The following CYP4Z1 variants were observed in gnomAD, a reference collection of about 807,000 sequenced individuals.
CYP4Z1 encodes the protein cytochrome P450 family 4 subfamily Z member 1.
A neutral mutation model predicts 54.2 loss-of-function variants in CYP4Z1; 41 were observed. That is an observed-to-expected ratio of 0.76 (90% confidence interval 0.59 to 0.98). The LOEUF (loss-of-function observed/expected upper bound fraction) is 0.98, where lower values mean the gene tolerates loss of function less well. Among genes scored for constraint, CYP4Z1 ranks in the 50% least tolerant of loss-of-function variants. The pLI is 0.00. For synonymous variants in CYP4Z1, 163 were observed against 206.2 expected (o/e 0.79, Z 1.79); for missense variants, 513 against 599.0 (o/e 0.86, Z 1.50).
intron 2 of CYP4Z1, among the ~76,000 whole-genome samples, chr1:47,074,207 C>A (rs1383996704): frequency 6.6e-6 from 1 of 151,154 alleles, no homozygotes; most frequent in Non-Finnish European, 1.5e-5. Flanking sequence ...CCTGGGTATA[C>A]TGCATGATAC....
At chr1:47,098,913 T>C (rs1433952894) in intron 7 of CYP4Z1, among the ~76,000 whole-genome samples, 181 bp from the exon 8 acceptor site, 1 of 152,200 alleles carries the variant, frequency 6.6e-6, no homozygotes, top group Non-Finnish European at 1.5e-5. Flanking sequence ...AGTCATTTCT[T>C]TCTACATTGC....
the CYP4Z1 span, among the ~76,000 whole-genome samples, chr1:47,059,321 T>G: frequency 6.6e-6 from 1 of 152,188 alleles, no homozygotes; most frequent in Non-Finnish European, 1.5e-5. Context: ...AAGGTTACCA[T>G]ACAAATAGCC....
chr1:47,112,760 T>A (rs1475397347), intron 9 of CYP4Z1, among the ~76,000 whole-genome samples: 1 of 151,910 alleles, frequency 6.6e-6, no homozygotes, highest in East Asian at 1.9e-4. Flanking sequence ...AATAAAACAG[T>A]GCATCATGGC....
intron 2 of CYP4Z1, among the ~76,000 whole-genome samples, chr1:47,078,369 T>G (rs1644540398): frequency 6.6e-6 from 1 of 151,972 alleles, no homozygotes; most frequent in Admixed American, 6.6e-5. Flanking sequence ...GTTCTAGAAC[T>G]TTATTTGTTT....
At chr1:47,060,403 G>A in the CYP4Z1 span, among the ~76,000 whole-genome samples, 1 of 152,088 alleles carries the variant, frequency 6.6e-6, no homozygotes. Context: ...TAAAAGCAGG[G>A]ACTGCAATCC....
At chr1:47,078,979 G>A (rs575843025) in intron 2 of CYP4Z1, among the ~76,000 whole-genome samples, 2 of 152,010 alleles carry the variant, frequency 1.3e-5, no homozygotes, top group African/African-American at 2.4e-5. Flanking sequence ...GTTTATTATT[G>A]CCTCAATTGT....
intron 8 of CYP4Z1, among the ~76,000 whole-genome samples, chr1:47,105,302 C>A (rs1557632775): frequency 6.6e-6 from 1 of 152,062 alleles, no homozygotes; most frequent in Non-Finnish European, 1.5e-5. Context: ...GGAGGCTGAG[C>A]TCTCCAGATG....
upstream of CYP4Z1, among the ~76,000 whole-genome samples, chr1:47,064,054 C>T (rs527569001): frequency 8.4e-4 from 127 of 150,692 alleles, no homozygotes; most frequent in African/African-American, 2.9e-3. Flanking sequence ...CAGCAGAAAC[C>T]CTACAAGTTA....
At chr1:47,101,318 A>C (rs948943948) in intron 8 of CYP4Z1, among the ~76,000 whole-genome samples, 1 of 131,348 alleles carries the variant, frequency 7.6e-6, no homozygotes, top group African/African-American at 2.5e-5. Context: ...CTGTTTTTCT[A>C]CTTCCTAGAG....
upstream of CYP4Z1, among the ~76,000 whole-genome samples, chr1:47,066,682 A>G (rs951693155): frequency 5.3e-5 from 8 of 152,178 alleles, no homozygotes; most frequent in African/African-American, 1.9e-4. Context: ...CAAAAGGAAG[A>G]AATAAAGGGC....
upstream of CYP4Z1, among the ~76,000 whole-genome samples, chr1:47,062,758 C>A (rs1288373305): frequency 6.6e-6 from 1 of 152,092 alleles, no homozygotes; most frequent in African/African-American, 2.4e-5. Context: ...TCTCTACCCA[C>A]CCTGGTAGCC....
At chr1:47,086,133 G>T (rs1422728826) in intron 6 of CYP4Z1, among the ~76,000 whole-genome samples, 3 of 152,062 alleles carry the variant, frequency 2.0e-5, no homozygotes, top group Admixed American at 6.6e-5. Context: ...TTGCTATTGT[G>T]AAAAGTGCCA....
rs756654835 is a variant in CYP4Z1 at position 47,067,533 on chromosome 1, T to TTGCTGCTGATCCTCCTCTGCATGTCTC, written c.52_78dup (p.Ile18_Leu26dup). The TTGCTGCTGATCCTCCTCTGCATGTCTC allele has an allele frequency of 6.2e-7, 1 of 1,613,220 alleles. No individual in the cohort carries two copies. Among genetic ancestry groups the TTGCTGCTGATCCTCCTCTGCATGTCTC allele is most frequent in the South Asian group, 1.1e-5 (1 of 90,910 alleles). The stretch of plus-strand genomic sequence containing the variant: ...TCAGGAACTCATGGCTCACCCCTTC[T>TTGCTGCTGATCCTCCTCTGCATGTCTC]TGCTGCTGATCCTCCTCTGCATGTC... On this transcript the variant is annotated inframe_insertion, in exon 1 of 12. Transcript: ENST00000334194.
chr1:47,057,479 ATT>A, the CYP4Z1 span, among the ~76,000 whole-genome samples: 4,119 of 120,318 alleles, frequency 0.034, 300 homozygotes, highest in African/African-American at 0.12. Flanking sequence ...GACTTGGTTA[ATT>A]TTTTTTTTTT....
At chr1:47,057,320 T>C in the CYP4Z1 span, among the ~76,000 whole-genome samples, 5 of 23,436 alleles carry the variant, frequency 2.1e-4, 1 homozygote, top group South Asian at 2.8e-3. Context: ...CCTTTGTTAC[T>C]TCTTAAGAAA....
chr1:47,106,011 T>C, intron 8 of CYP4Z1, 117 bp from the exon 9 acceptor site: 1 of 1,281,386 alleles, frequency 7.8e-7, no homozygotes, highest in African/African-American at 1.5e-5. Flanking sequence ...TCTGAAGTCC[T>C]CCTTTGGGTA....
At chr1:47,110,207 T>C (rs2148541428) in intron 9 of CYP4Z1, among the ~76,000 whole-genome samples, 1 of 147,234 alleles carries the variant, frequency 6.8e-6, no homozygotes, top group South Asian at 2.3e-4. Context: ...TAAGCCTCAG[T>C]GGAGAGGGAC....
At chr1:47,097,212 T>C (rs377179066) in intron 7 of CYP4Z1, 1 of 152,274 alleles carries the variant, frequency 6.6e-6, no homozygotes, top group East Asian at 1.9e-4. Context: ...CCATCTATTA[T>C]TGACGGGCAT....
rs961335509 is a variant in CYP4Z1, at chr1:47,114,510, C to A, written c.1202-1019C>A. On this transcript the variant is annotated intron_variant, in intron 9 of 11. Coordinates refer to ENST00000334194, the MANE Select transcript of CYP4Z1 (RefSeq NM_178134.3). ...AATTACCATCAGAGTGAACAGGCAA[C>A]CTACAGAATGGGAGAAAATTTTTGC... Among the ~76,000 whole-genome samples the A allele has an allele frequency of 2.6e-5, 4 of 152,160 alleles. No homozygotes were observed. The South Asian group carries it at 8.3e-4, about 32-fold the overall frequency.
Sources: allele counts gnomAD v4.1 joint callset (sites outside exome capture counted in the v4.1 genomes callset), GRCh38; gene constraint gnomAD v4.1.1; transcripts MANE v1.5; gene names NCBI Gene and HGNC (gene_info 2026-07-23, HGNC 2026-07-21).